Variants in TRAPPC9 observed in about 807,000 individuals in gnomAD.
TRAPPC9 encodes the protein IKK2 binding protein.
A neutral mutation model predicts 124.0 loss-of-function variants in TRAPPC9; 83 were observed. The ratio of observed to expected loss-of-function variants is 0.67; its 90% CI spans 0.56 to 0.80. TRAPPC9 has a LOEUF of 0.80. Among genes scored for constraint, TRAPPC9 ranks in the 30% least tolerant of loss-of-function variants. The pLI is 0.00. For missense variants in TRAPPC9, 1,302 were observed against 1,508.3 expected (o/e 0.86, Z 2.27); for synonymous variants, 638 against 617.5 (o/e 1.03, Z -0.49).
At chr8:140,272,130 C>CAATGATGATGGCGATGGT (rs1450234909) in intron 15 of TRAPPC9, among the ~76,000 whole-genome samples, 11 of 100,458 alleles carry the variant, frequency 1.1e-4, no homozygotes, top group Admixed American at 3.1e-4. Flanking sequence ...GTGATGGTGG[C>CAATGATGATGGCGATGGT]GATGGTGATG....
chr8:139,732,255 G>A (rs2129941806), intron 21 of TRAPPC9, 53 bp from the exon 22 acceptor site: 22 of 1,474,202 alleles, frequency 1.5e-5, no homozygotes, highest in Middle Eastern at 2.4e-4. Context: ...CGGCCCAGCC[G>A]GCCTACCCCA....
chr8:140,263,819 C>A (rs1311156591), intron 15 of TRAPPC9, among the ~76,000 whole-genome samples: 1 of 152,160 alleles, frequency 6.6e-6, no homozygotes, highest in African/African-American at 2.4e-5. Context: ...TTGAGGGAGG[C>A]CTGACCTAGA....
At chr8:140,148,900 T>C (rs547485678) in intron 17 of TRAPPC9, among the ~76,000 whole-genome samples, 1 of 152,348 alleles carries the variant, frequency 6.6e-6, no homozygotes, top group East Asian at 1.9e-4. Context: ...TCATACTTTA[T>C]TGGGATTGCA....
intron 9 of TRAPPC9, among the ~76,000 whole-genome samples, chr8:140,333,990 C>T (rs1419562009): frequency 6.6e-6 from 1 of 152,190 alleles, no homozygotes; most frequent in Non-Finnish European, 1.5e-5. Flanking sequence ...ATATGCCTTA[C>T]TAAATGATTC....
intron 14 of TRAPPC9, among the ~76,000 whole-genome samples, chr8:140,276,223 A>C (rs747630216): frequency 2.0e-5 from 3 of 152,244 alleles, no homozygotes; most frequent in South Asian, 2.1e-4. Context: ...GTACCTTGGG[A>C]AACTCCATAG....
At chr8:139,995,174 T>C (rs951230164) in intron 18 of TRAPPC9, among the ~76,000 whole-genome samples, 3 of 152,188 alleles carry the variant, frequency 2.0e-5, no homozygotes, top group African/African-American at 7.2e-5. Context: ...GGCAGTGAGC[T>C]GCATCTCTCT....
intron 17 of TRAPPC9, among the ~76,000 whole-genome samples, chr8:140,042,667 G>A (rs973065383): frequency 2.6e-5 from 4 of 152,154 alleles, no homozygotes; most frequent in Non-Finnish European, 4.4e-5. Flanking sequence ...CTGGGCCCAC[G>A]CCCTCTGCAG....
intron 21 of TRAPPC9, among the ~76,000 whole-genome samples, chr8:139,805,136 T>C (rs1823952974): frequency 1.3e-5 from 2 of 152,328 alleles, no homozygotes; most frequent in African/African-American, 4.8e-5. Flanking sequence ...ACTATAGCTC[T>C]CTCCTGGCCT....
At chr8:139,929,674 C>T (rs1397585437) in intron 19 of TRAPPC9, among the ~76,000 whole-genome samples, 1 of 152,244 alleles carries the variant, frequency 6.6e-6, no homozygotes, top group African/African-American at 2.4e-5. Flanking sequence ...CTTCTGAAAC[C>T]ATGTTTCTGC....
chr8:140,033,670 T>TGTTTTG (rs1563706715), intron 17 of TRAPPC9, among the ~76,000 whole-genome samples: 1 of 78,232 alleles, frequency 1.3e-5, no homozygotes, highest in Non-Finnish European at 2.3e-5. Flanking sequence ...TTTTTTTTTT[T>TGTTTTG]TTTTTTTTTT....
At chr8:140,387,108 A>G (rs2068775332) in intron 7 of TRAPPC9, among the ~76,000 whole-genome samples, 1 of 152,236 alleles carries the variant, frequency 6.6e-6, no homozygotes, top group African/African-American at 2.4e-5. Context: ...AAAACTGGCC[A>G]GCCATATTTA....
At chr8:140,445,011 C>T (rs1316836026) in intron 2 of TRAPPC9, among the ~76,000 whole-genome samples, 1 of 152,182 alleles carries the variant, frequency 6.6e-6, no homozygotes, top group African/African-American at 2.4e-5. Context: ...TCAACACAGG[C>T]TACATACTGC....
At chr8:140,090,678 G>A (rs1445540511) in intron 17 of TRAPPC9, among the ~76,000 whole-genome samples, 2 of 152,202 alleles carry the variant, frequency 1.3e-5, no homozygotes, top group Non-Finnish European at 2.9e-5. Context: ...CCCACCAAGT[G>A]TACCCATCCC....
chr8:140,155,468 T>C (rs1362885539), intron 17 of TRAPPC9, among the ~76,000 whole-genome samples: 1 of 152,204 alleles, frequency 6.6e-6, no homozygotes. Context: ...AGAGTGTTCG[T>C]TGAACACCTG....
intron 17 of TRAPPC9, among the ~76,000 whole-genome samples, chr8:140,026,920 C>T (rs1393813711): frequency 2.0e-5 from 3 of 152,044 alleles, no homozygotes; most frequent in Non-Finnish European, 4.4e-5. Flanking sequence ...ACCAAAATCC[C>T]AAATCCTTTT....
At chr8:140,259,433 G>A (rs2064348087) in intron 15 of TRAPPC9, among the ~76,000 whole-genome samples, 1 of 152,204 alleles carries the variant, frequency 6.6e-6, no homozygotes, top group Non-Finnish European at 1.5e-5. Flanking sequence ...GGGAGGCAGG[G>A]TGTGTGCTAG....
At chr8:139,972,810 T>C (rs979051239) in intron 19 of TRAPPC9, among the ~76,000 whole-genome samples, 4 of 152,122 alleles carry the variant, frequency 2.6e-5, no homozygotes, top group African/African-American at 9.7e-5. Flanking sequence ...TAAACAAAAA[T>C]TTCTTTTCCC....
Position 140,311,323 on chromosome 8 carries a change from C to A in TRAPPC9, c.1547G>T (p.Gly516Val). The A allele has an allele frequency of 6.2e-7, 1 of 1,613,996 alleles. No homozygotes were observed. Among genetic ancestry groups the A allele is most frequent in the Non-Finnish European group, 8.5e-7 (1 of 1,180,024 alleles). The change falls in exon 10 of 23, where the codon GGG becomes GTG. Residue 516 changes from glycine (G) to valine (V), a missense_variant. Gly to Val is a moderately radical substitution (Grantham distance 109, BLOSUM62 -3). Around this residue, in one of 3 missense-constraint regions of TRAPPC9, gnomAD observed 657 missense variants for 811.2 expected, o/e 0.81. Transcript: ENST00000438773. ...AGGGAGGGCGATGGGCTCCATGGTC[C>A]CAGGACACTTGGACGTATAGTTCTC... ...SLENYTSKCPGTMEPIALPGG... is the reference protein window; with the variant it reads ...SLENYTSKCPVTMEPIALPGG...
At chr8:140,129,349 G>A (rs2061161371) in intron 17 of TRAPPC9, among the ~76,000 whole-genome samples, 1 of 152,148 alleles carries the variant, frequency 6.6e-6, no homozygotes, top group Admixed American at 6.5e-5. Context: ...GGATGAAGTG[G>A]ACATCCGTGT....
Sources: gnomAD v4.1 joint callset for allele counts (sites outside exome capture counted in the v4.1 genomes callset) on GRCh38, gnomAD v4.1.1 for gene constraint, gnomAD v4.1.1 regional missense constraint, MANE v1.5 for transcripts, NCBI Gene and HGNC (gene_info 2026-07-23, HGNC 2026-07-21) for gene names.